BIRC2: variants seen among roughly 807,000 people sequenced by gnomAD.
BIRC2 encodes baculoviral IAP repeat-containing protein 2.
A neutral mutation model predicts 60.9 loss-of-function variants in BIRC2; 18 were observed. That is an observed-to-expected ratio of 0.30 (90% CI 0.20 to 0.44). The LOEUF (loss-of-function observed/expected upper bound fraction) is 0.44. Ranked by LOEUF, BIRC2 falls within the 20% of genes least tolerant of loss-of-function variation. The pLI, the probability that BIRC2 is intolerant of heterozygous loss-of-function variation, is 1.00. For synonymous variants in BIRC2, 282 were observed against 247.7 expected, an observed-to-expected ratio of 1.14 and a Z score of -1.30; for missense variants, 701 against 728.5, an observed-to-expected ratio of 0.96 and a Z score of 0.43.
chr11:102,365,061 A>G (rs1413441955), intron 5 of BIRC2, among the ~76,000 whole-genome samples: 4 of 152,232 alleles, frequency 2.6e-5, no homozygotes, highest in Non-Finnish European at 5.9e-5. Context: ...CTAAGAAAAT[A>G]GAATCCAAAA....
rs946698569 is a variant in BIRC2 at position 102,348,741 on chromosome 11, C to T, written c.-1114C>T. 1.3e-5 allele frequency: 5 copies of T among 395,948 alleles called. No homozygotes were observed. Among genetic ancestry groups the T allele is most frequent in the South Asian group, 9.5e-5 (5 of 52,468 alleles). The allele number at this position is 395,948 out of a possible 1,614,324, so 24.5% of individuals were successfully genotyped here. On this transcript the variant is annotated 5_prime_UTR_variant, in exon 2 of 9. Transcript: ENST00000227758. Reference sequence around the variant, plus strand: ...TTGTGTATGAATTATATTTTTAAAACATTGAAGAGTTTTCAGAAAGAAGGC... The same window carrying T: ...TTGTGTATGAATTATATTTTTAAAATATTGAAGAGTTTTCAGAAAGAAGGC...
chr11:102,360,501 T>A (rs1951473450), intron 3 of BIRC2, among the ~76,000 whole-genome samples: 2 of 151,992 alleles, frequency 1.3e-5, no homozygotes, highest in African/African-American at 4.8e-5. Context: ...ATTATTCCTA[T>A]CTCTGTGTTG....
chr11:102,377,451 A>G (rs1181830226), intron 6 of BIRC2, 45 bp from the exon 7 acceptor site: 2 of 1,535,978 alleles, frequency 1.3e-6, no homozygotes, highest in Non-Finnish European at 1.8e-6. Flanking sequence ...GTATAGTTAA[A>G]GGAGTTTAAA....
rs1951471765 is a variant in BIRC2 at position 102,360,307 on chromosome 11, C to T, written c.996-2589C>T. 2.6e-5 allele frequency among the ~76,000 whole-genome samples: 4 copies of T among 151,824 alleles called. No homozygotes were observed. The South Asian group carries it at 8.3e-4, about 32-fold the overall frequency. On this transcript the variant is annotated intron_variant, in intron 3 of 8. Coordinates refer to ENST00000227758, the MANE Select transcript of BIRC2 (RefSeq NM_001166.5). ...CAAATATTGTTTTGCTTGATGGTGT[C>T]CTATAATTCAGGTAGGCTTTCTCCA...
At chr11:102,347,579 C>G (rs1171553020) in intron 1 of BIRC2, 2 of 152,318 alleles carry the variant, frequency 1.3e-5, no homozygotes, top group Non-Finnish European at 2.9e-5. Flanking sequence ...AACTTCGAGA[C>G]TTGCAGTCAA....
chr11:102,350,532 G>A lies in BIRC2; in HGVS notation c.678G>A (p.Lys226=). The A allele has an allele frequency of 6.2e-7, 1 of 1,614,204 alleles. No individual in the cohort carries two copies. The highest frequency in any genetic ancestry group is 8.5e-7 in the Non-Finnish European group (1 of 1,180,032). The change falls in exon 2 of 9, where the codon AAG becomes AAA. Residue 226 remains lysine, a synonymous_variant. Coordinates refer to ENST00000227758, the MANE Select transcript of BIRC2 (RefSeq NM_001166.5). ...TAGCCTGCTTTGCCTGTGGTGGGAA[G>A]CTCAGTAACTGGGAACCAAAGGATG... ...DRVACFACGG[K]LSNWEPKDDA...
At position 102,349,754 on chromosome 11, in the gene BIRC2, TA is replaced by T; in HGVS notation, c.-99del. 8.2e-7 allele frequency: 1 copy of T among 1,219,142 alleles called. No homozygotes were observed. Among genetic ancestry groups the T allele is most frequent in the Non-Finnish European group, 1.1e-6 (1 of 870,474 alleles). 75.5% of individuals were successfully genotyped at this position (1,219,142 alleles called of 1,614,324 possible). A position where few individuals can be genotyped will look rare whatever the true frequency, so the allele number is the denominator to read the frequency against. ...TAAAGAAAGTGTAGTAAATTCTACA[TA>T]AGAGTCTATCATTGATTTCTTTTTG... On this transcript the variant is annotated 5_prime_UTR_variant, in exon 2 of 9. Coordinates refer to ENST00000227758, the MANE Select transcript of BIRC2 (RefSeq NM_001166.5).
intron 6 of BIRC2, among the ~76,000 whole-genome samples, chr11:102,374,776 C>T (rs1411242802): frequency 2.6e-5 from 4 of 152,254 alleles, no homozygotes; most frequent in South Asian, 2.1e-4. Context: ...CTCGCTGCTG[C>T]CTTGCAGTTT....
chr11:102,352,505 G>A (rs1951375309), intron 3 of BIRC2, among the ~76,000 whole-genome samples: 1 of 152,034 alleles, frequency 6.6e-6, no homozygotes, highest in Non-Finnish European at 1.5e-5. Context: ...CCACCTCCCA[G>A]GTTCAAGCGA....
chr11:102,354,848 A>G (rs899418419), intron 3 of BIRC2, among the ~76,000 whole-genome samples: 1 of 151,046 alleles, frequency 6.6e-6, no homozygotes, highest in Non-Finnish European at 1.5e-5. Context: ...GATCAGTGAC[A>G]TTGAACACCT....
At chr11:102,377,106 A>G (rs1951724064) in intron 6 of BIRC2, among the ~76,000 whole-genome samples, 1 of 152,126 alleles carries the variant, frequency 6.6e-6, no homozygotes, top group South Asian at 2.1e-4. Context: ...AGGCAGTAAT[A>G]CTCGCCTTGT....
chr11:102,377,619 A>G lies in BIRC2; in HGVS notation c.1490A>G (p.Lys497Arg), dbSNP rs1454634675. 2 of 1,612,056 alleles carry G rather than the reference A, an allele frequency of 1.2e-6. No individual in the cohort carries two copies. The highest frequency in any genetic ancestry group is 3.4e-5 in the Admixed American group (2 of 59,394). The change falls in exon 7 of 9, where the codon AAA (lysine) becomes AGA (arginine). Residue 497 changes from lysine (K) to arginine (R), a missense_variant. Physicochemically the swap from Lys to Arg is conservative, Grantham distance 26. Transcript: ENST00000227758. ...VINKQEHDII[K>R]QKTQIPLQAR... ...AATAAACAGGAACATGATATTATTA[A>G]ACAAAAAACACAGATACCTTTACAA...
intron 3 of BIRC2, among the ~76,000 whole-genome samples, chr11:102,360,265 C>T (rs1951471241): frequency 6.6e-6 from 1 of 152,138 alleles, no homozygotes; most frequent in Admixed American, 6.5e-5. Flanking sequence ...CGTGCCTGGC[C>T]TTGAATTCTT....
chr11:102,351,759 T>C (rs1951365331), intron 3 of BIRC2, among the ~76,000 whole-genome samples: 1 of 152,176 alleles, frequency 6.6e-6, no homozygotes, highest in Non-Finnish European at 1.5e-5. Context: ...TTTTTTATTA[T>C]AGCCTAGAAA....
In BIRC2 at chr11:102,362,928, A is replaced by G. The variant is rs201120793; in HGVS notation, c.1028A>G (p.Glu343Gly). 1.5e-5 allele frequency: 25 copies of G among 1,613,128 alleles called. No homozygotes were observed. The African/African-American group carries it at 2.8e-4, about 18-fold the overall frequency. ...TTCTTGATACGAATGAAAGGCCAAGAGTTTGTTGATGAGATTCAAGGTAGA... is the reference window on the plus strand; with the variant it reads ...TTCTTGATACGAATGAAAGGCCAAGGGTTTGTTGATGAGATTCAAGGTAGA... ...CEFLIRMKGQ[E>G]FVDEIQGRYP... is the part of the protein sequence containing the mutation. Residue 343 changes from glutamate to glycine, a missense_variant, in exon 4 of 9, where the codon GAG (glutamate) becomes GGG (glycine). Glu to Gly is a moderately conservative substitution (Grantham distance 98, BLOSUM62 -2). Around this residue, in one of 4 missense-constraint regions of BIRC2, gnomAD observed 39 missense variants for 69.8 expected, o/e 0.56. Transcript: ENST00000227758.
At chr11:102,348,397 T>C (rs961487843) in intron 1 of BIRC2, 1 of 155,740 alleles carries the variant, frequency 6.4e-6, no homozygotes, top group African/African-American at 2.4e-5. Context: ...GTATAGTTAG[T>C]GCTATGGGGA....
chr11:102,351,996 A>G (rs1951368086), intron 3 of BIRC2, among the ~76,000 whole-genome samples: 1 of 152,088 alleles, frequency 6.6e-6, no homozygotes, highest in African/African-American at 2.4e-5. Flanking sequence ...ACCGCTATCC[A>G]TCTCCAGAAC....
At position 102,358,934 on chromosome 11, in the gene BIRC2, T is replaced by C. The variant is rs776206411; in HGVS notation, c.996-3962T>C. The stretch of plus-strand genomic sequence containing the variant: ...CATTCAGCTGCTCTTTATCTTTTGA[T>C]AGGAGAATTTGGCCCATTTACATTC... On this transcript the variant is annotated intron_variant, in intron 3 of 8. Coordinates refer to ENST00000227758, the MANE Select transcript of BIRC2 (RefSeq NM_001166.5). Among the ~76,000 whole-genome samples the C allele has an allele frequency of 7.0e-4, 107 of 152,246 alleles. 1 individual carries two copies. The highest frequency in any genetic ancestry group is 1.4e-3 in the Non-Finnish European group (97 of 68,036).
Position 102,350,289 on chromosome 11 carries a change from T to C in BIRC2, c.435T>C (p.His145=). Residue 145 remains histidine, a synonymous_variant, in exon 2 of 9, where the codon CAT becomes CAC. Transcript: ENST00000227758. ...ATTCATTATCTCCCACCTTGGAACA[T>C]AGTAGCTTGTTCAGTGGTTCTTACT... is the stretch of plus-strand genomic sequence containing the variant. The part of the protein sequence containing the change: ...FAHSLSPTLE[H]SSLFSGSYSS... 1.2e-6 allele frequency: 2 copies of C among 1,614,218 alleles called. No individual in the cohort carries two copies. Among genetic ancestry groups the C allele is most frequent in the Non-Finnish European group, 1.7e-6 (2 of 1,180,028 alleles).
Sources: allele counts gnomAD v4.1 joint callset (sites outside exome capture counted in the v4.1 genomes callset), GRCh38; gene constraint gnomAD v4.1.1; regional missense constraint gnomAD v4.1.1; transcripts MANE v1.5; gene names NCBI Gene and HGNC (gene_info 2026-07-23, HGNC 2026-07-21).